Variants in NBEA observed in about 807,000 individuals in gnomAD.
NBEA encodes neurobeachin, also known as lysosomal-trafficking regulator 2.
NBEA carries 44 observed loss-of-function variants against 343.4 expected under a neutral mutation model. The observed-to-expected ratio is 0.13, with a 90% CI of 0.10 to 0.16. NBEA has a LOEUF of 0.16. NBEA is among the 10% of genes least tolerant of loss of function. The probability of loss-of-function intolerance (pLI) is 1.00; values close to 1 mark genes in which losing one functional copy is unlikely to be tolerated. For missense variants in NBEA, 2,555 were observed against 3,631.3 expected (o/e 0.70, Z 7.62); for synonymous variants, 1,175 against 1,238.7 (o/e 0.95, Z 1.08).
chr13:35,256,838 T>C (rs901640782), intron 34 of NBEA, among the ~76,000 whole-genome samples: 1 of 152,194 alleles, frequency 6.6e-6, no homozygotes, highest in Non-Finnish European at 1.5e-5. Context: ...GAGCAAACAC[T>C]TTCAAGCCTG....
At chr13:35,414,302 A>G (rs954296554) in intron 38 of NBEA, among the ~76,000 whole-genome samples, 2 of 152,144 alleles carry the variant, frequency 1.3e-5, no homozygotes, top group Non-Finnish European at 2.9e-5. Flanking sequence ...ACATATGTAT[A>G]CATGCGCCAT....
At chr13:34,971,833 G>A (rs1472264008) in intron 1 of NBEA, among the ~76,000 whole-genome samples, 1 of 125,698 alleles carries the variant, frequency 8.0e-6, no homozygotes, top group Non-Finnish European at 1.7e-5. Context: ...TTTTTTTTTT[G>A]TATCAGGATG....
chr13:34,983,482 A>G (rs2060433974), intron 1 of NBEA, among the ~76,000 whole-genome samples: 2 of 152,118 alleles, frequency 1.3e-5, no homozygotes, highest in Admixed American at 1.3e-4. Context: ...CACAATAAAC[A>G]TGTGTGCATG....
chr13:35,264,145 TC>T (rs2033459302), intron 34 of NBEA, among the ~76,000 whole-genome samples: 1 of 147,674 alleles, frequency 6.8e-6, no homozygotes, highest in Admixed American at 6.7e-5. Flanking sequence ...TGCCAACAAA[TC>T]GGATACCCTA....
intron 36 of NBEA, among the ~76,000 whole-genome samples, chr13:35,320,178 T>C (rs1003529219): frequency 7.2e-5 from 11 of 152,234 alleles, no homozygotes; most frequent in African/African-American, 2.7e-4. Flanking sequence ...TGATGCTGTT[T>C]CTTCATAGTG....
intron 41 of NBEA, among the ~76,000 whole-genome samples, chr13:35,484,315 A>G (rs2076234442): frequency 6.8e-6 from 1 of 147,084 alleles, no homozygotes; most frequent in Non-Finnish European, 1.5e-5. Context: ...CTAATTTAAA[A>G]TTGTTTTTTA....
chr13:35,353,722 G>A (rs1481537456), intron 38 of NBEA, among the ~76,000 whole-genome samples: 1 of 152,096 alleles, frequency 6.6e-6, no homozygotes, highest in African/African-American at 2.4e-5. Flanking sequence ...TATTAAGGGT[G>A]ACATTGAGGT....
chr13:35,250,845 A>G (rs781687716), intron 34 of NBEA, among the ~76,000 whole-genome samples: 14 of 152,264 alleles, frequency 9.2e-5, no homozygotes, highest in Non-Finnish European at 1.9e-4. Flanking sequence ...GATATTTACC[A>G]TAAAAGCTTA....
At position 35,663,131 on chromosome 13, in the gene NBEA, C is replaced by T. The variant is rs115718662; in HGVS notation, c.8363-1954C>T. ...TCTTTGCATTAGGAACATTCTAAATCTTCTCTTCTAGTTATTTTGAAATGT... is the reference window on the plus strand; with the variant it reads ...TCTTTGCATTAGGAACATTCTAAATTTTCTCTTCTAGTTATTTTGAAATGT... On this transcript the variant is annotated intron_variant, in intron 55 of 58. Coordinates refer to ENST00000379939, the MANE Select transcript of NBEA (RefSeq NM_001385012.1). Among the ~76,000 whole-genome samples, 858 of 152,314 alleles carry T rather than the reference C, an allele frequency of 5.6e-3. 8 individuals carry two copies. The highest frequency in any genetic ancestry group is 0.02 in the African/African-American group (827 of 41,572).
At chr13:35,106,489 G>C (rs2065924916) in intron 11 of NBEA, among the ~76,000 whole-genome samples, 3 of 151,768 alleles carry the variant, frequency 2.0e-5, no homozygotes, top group African/African-American at 7.3e-5. Context: ...AGATGAATAA[G>C]ATAATATCCT....
intron 38 of NBEA, among the ~76,000 whole-genome samples, chr13:35,416,121 A>T (rs2043890545): frequency 6.6e-6 from 1 of 152,152 alleles, no homozygotes; most frequent in Admixed American, 6.6e-5. Flanking sequence ...TTATCAGCTT[A>T]AGAAGATTTT....
rs140153973 is a variant in NBEA, at chr13:35,266,401, G to A, written c.5777-23988G>A. ...TATCTACACTCTCATGTTTATTGTA[G>A]CATTTTTTCACAGTAGCCGAGATGT... On this transcript the variant is annotated intron_variant, in intron 34 of 58. Coordinates refer to ENST00000379939, the MANE Select transcript of NBEA (RefSeq NM_001385012.1). Among the ~76,000 whole-genome samples, 572 of 151,900 alleles carry A rather than the reference G, an allele frequency of 3.8e-3. 7 individuals carry two copies. The highest frequency in any genetic ancestry group is 2.7e-3 in the East Asian group (14 of 5,184).
chr13:35,413,523 G>A (rs141499447), intron 38 of NBEA, among the ~76,000 whole-genome samples: 2 of 152,038 alleles, frequency 1.3e-5, no homozygotes, highest in African/African-American at 4.8e-5. Context: ...TTCCTGAGGG[G>A]CCAGGAGGCT....
chr13:35,184,456 T>G (rs1322280704), intron 30 of NBEA, among the ~76,000 whole-genome samples: 1 of 152,012 alleles, frequency 6.6e-6, no homozygotes, highest in Non-Finnish European at 1.5e-5. Context: ...GTTATTTAAC[T>G]TCCAGTTAGA....
chr13:35,461,673 A>G (rs1386998478), intron 40 of NBEA, among the ~76,000 whole-genome samples: 3 of 152,192 alleles, frequency 2.0e-5, no homozygotes, highest in Non-Finnish European at 4.4e-5. Flanking sequence ...TTATCTTGTC[A>G]CTGCCATACC....
chr13:35,050,451 T>A (rs1285493201), intron 6 of NBEA, 56 bp downstream of exon 6: 7 of 1,527,868 alleles, frequency 4.6e-6, no homozygotes, highest in African/African-American at 1.4e-5. Context: ...TTCTTAACTC[T>A]CCTTTTATGA....
At chr13:35,404,601 T>G (rs2043171269) in intron 38 of NBEA, among the ~76,000 whole-genome samples, 1 of 95,740 alleles carries the variant, frequency 1.0e-5, no homozygotes, top group Non-Finnish European at 2.0e-5. Flanking sequence ...TGGGGACTGT[T>G]GTGGGGTGGG....
chr13:35,147,057 T>G (rs2068475455), intron 18 of NBEA, among the ~76,000 whole-genome samples: 1 of 152,212 alleles, frequency 6.6e-6, no homozygotes, highest in African/African-American at 2.4e-5. Context: ...TTTATTTCCC[T>G]TATTTTATCA....
intron 46 of NBEA, among the ~76,000 whole-genome samples, chr13:35,588,479 T>C (rs2081384294): frequency 1.3e-5 from 2 of 152,192 alleles, no homozygotes; most frequent in South Asian, 4.1e-4. Flanking sequence ...AAACTTGTTA[T>C]TTGTTTCAAT....
Sources: allele counts gnomAD v4.1 joint callset (sites outside exome capture counted in the v4.1 genomes callset), GRCh38; gene constraint gnomAD v4.1.1; transcripts MANE v1.5; gene names NCBI Gene and HGNC (gene_info 2026-07-23, HGNC 2026-07-21).